The following SAMMSON variants were observed in gnomAD, a reference collection of about 807,000 sequenced individuals.
SAMMSON encodes the protein long intergenic non-protein coding RNA 1212.
intron 7 of SAMMSON, among the ~76,000 whole-genome samples, chr3:70,338,177 T>C (rs1369374375): frequency 6.6e-6 from 1 of 152,026 alleles, no homozygotes; most frequent in African/African-American, 2.4e-5. Flanking sequence ...TCAAAATGTT[T>C]ACTTGTGATT....
rs1420243041 is a variant in SAMMSON, at chr3:70,366,184, G to T, written n.913+7860G>T. ...TTTTTGTATTTTTAGTAGAGACGGGGTTTCACCTTGTTAGCCAGGATGGTC... is the reference window on the plus strand; with the variant it reads ...TTTTTGTATTTTTAGTAGAGACGGGTTTTCACCTTGTTAGCCAGGATGGTC... On this transcript the variant is annotated intron_variant and non_coding_transcript_variant, in intron 9 of 9. Coordinates refer to ENST00000642114, the Ensembl canonical transcript of SAMMSON. 4.8e-5 allele frequency among the ~76,000 whole-genome samples: 2 copies of T among 41,340 alleles called. 1 individual carries two copies. Among genetic ancestry groups the T allele is most frequent in the African/African-American group, 1.8e-4 (2 of 11,360 alleles). The allele number at this position is 41,340 out of a possible 152,430, so 27.1% of individuals were successfully genotyped here.
At chr3:70,310,725 T>C (rs1452263711) in intron 7 of SAMMSON, among the ~76,000 whole-genome samples, 2 of 152,076 alleles carry the variant, frequency 1.3e-5, no homozygotes, top group Non-Finnish European at 2.9e-5. Flanking sequence ...AGAGTGGATG[T>C]GAGGGTATGA....
At chr3:70,125,512 A>C in intron 4 of SAMMSON, 1 of 709,624 alleles carries the variant, frequency 1.4e-6, no homozygotes, top group East Asian at 2.7e-5. Flanking sequence ...TGTTCAAATT[A>C]GGTTTGGGAA....
At chr3:70,242,413 A>C (rs1367853155) in intron 4 of SAMMSON, among the ~76,000 whole-genome samples, 3 of 152,156 alleles carry the variant, frequency 2.0e-5, no homozygotes, top group Non-Finnish European at 4.4e-5. Context: ...GAATTAGATA[A>C]TTATAATTGA....
intron 4 of SAMMSON, among the ~76,000 whole-genome samples, chr3:70,240,483 C>T (rs1047265117): frequency 4.6e-5 from 7 of 151,974 alleles, no homozygotes; most frequent in Non-Finnish European, 1.0e-4. Context: ...AAGTTGGACC[C>T]TAACTAAAAA....
At chr3:70,008,353 G>C (rs139004816) in intron 1 of SAMMSON, among the ~76,000 whole-genome samples, 1 of 152,028 alleles carries the variant, frequency 6.6e-6, no homozygotes, top group Non-Finnish European at 1.5e-5. Context: ...CCTTGAAGAG[G>C]TCCTTCACAT....
At chr3:70,343,198 T>TAC (rs1702724829) in intron 7 of SAMMSON, among the ~76,000 whole-genome samples, 1 of 152,188 alleles carries the variant, frequency 6.6e-6, no homozygotes, top group Non-Finnish European at 1.5e-5. Context: ...TAATATGGTA[T>TAC]ATTTATCACA....
intron 3 of SAMMSON, chr3:70,068,079 G>C (rs141143563): frequency 6.6e-6 from 1 of 152,126 alleles, no homozygotes; most frequent in African/African-American, 2.4e-5. Context: ...TAGATGGATG[G>C]TTGAGAAGAG....
intron 4 of SAMMSON, among the ~76,000 whole-genome samples, chr3:70,166,333 T>C (rs1305483147): frequency 6.6e-6 from 1 of 152,056 alleles, no homozygotes; most frequent in Non-Finnish European, 1.5e-5. Flanking sequence ...ATTGCTATGA[T>C]GGTGGCTTGC....
intron 4 of SAMMSON, among the ~76,000 whole-genome samples, chr3:70,086,018 G>A (rs2067284294): frequency 1.3e-5 from 2 of 152,214 alleles, no homozygotes; most frequent in Admixed American, 6.5e-5. Flanking sequence ...TTTCTTAAAA[G>A]CATCACTTCT....
chr3:70,123,799 G>A, intron 4 of SAMMSON, among the ~76,000 whole-genome samples: 1 of 152,230 alleles, frequency 6.6e-6, no homozygotes, highest in South Asian at 2.1e-4. Context: ...GATGTGTTGG[G>A]GGCAGGGAGA....
chr3:70,026,544 G>A (rs1319450143), intron 3 of SAMMSON, among the ~76,000 whole-genome samples: 1 of 152,126 alleles, frequency 6.6e-6, no homozygotes, highest in Non-Finnish European at 1.5e-5. Flanking sequence ...TCAAGTCCCT[G>A]ATCACCACAG....
At chr3:70,354,330 C>G (rs2106736415) in intron 8 of SAMMSON, 1 of 152,146 alleles carries the variant, frequency 6.6e-6, no homozygotes, top group South Asian at 2.1e-4. Flanking sequence ...GTTCTATACT[C>G]AAACTTTAGG....
chr3:70,105,598 C>T (rs2067364185), intron 4 of SAMMSON, among the ~76,000 whole-genome samples: 2 of 152,132 alleles, frequency 1.3e-5, no homozygotes, highest in South Asian at 2.1e-4. Context: ...ACAAAACTTC[C>T]TTATGCATGA....
intron 4 of SAMMSON, among the ~76,000 whole-genome samples, chr3:70,094,033 C>T (rs1359011367): frequency 6.6e-6 from 1 of 152,170 alleles, no homozygotes; most frequent in Non-Finnish European, 1.5e-5. Flanking sequence ...TCCTGAGGCT[C>T]TGCCTTTGAC....
At chr3:70,267,925 T>A (rs1302643081) in intron 6 of SAMMSON, among the ~76,000 whole-genome samples, 1 of 151,940 alleles carries the variant, frequency 6.6e-6, no homozygotes, top group African/African-American at 2.4e-5. Context: ...CCTTTCCTTT[T>A]CTTCCCATCC....
At chr3:70,195,945 C>G (rs1178386531) in intron 4 of SAMMSON, among the ~76,000 whole-genome samples, 1 of 152,122 alleles carries the variant, frequency 6.6e-6, no homozygotes, top group Non-Finnish European at 1.5e-5. Context: ...TTATTGATCA[C>G]TTTAATTATC....
chr3:70,084,059 G>A lies in SAMMSON; in HGVS notation n.507+12494G>A, dbSNP rs138968648. Among the ~76,000 whole-genome samples the A allele has an allele frequency of 7.1e-3, 1,088 of 152,194 alleles. 17 individuals carry two copies. The highest frequency in any genetic ancestry group is 0.025 in the African/African-American group (1,030 of 41,518). ...TTGAGATTTACTATGAAATATACCA[G>A]CACATACACTTTAAATGAATTTTGA... On this transcript the variant is annotated intron_variant and non_coding_transcript_variant, in intron 4 of 9. Coordinates refer to ENST00000642114, the Ensembl canonical transcript of SAMMSON.
intron 2 of SAMMSON, among the ~76,000 whole-genome samples, chr3:70,430,143 C>G (rs533702158): frequency 1.4e-4 from 21 of 152,280 alleles, no homozygotes; most frequent in African/African-American, 4.1e-4. Flanking sequence ...TACGTTCCAT[C>G]AGTACCTAGT....
Sources: gnomAD v4.1 joint callset for allele counts (sites outside exome capture counted in the v4.1 genomes callset) on GRCh38, gnomAD v4.1.1 for gene constraint, MANE v1.5 for transcripts, NCBI Gene and HGNC (gene_info 2026-07-23, HGNC 2026-07-21) for gene names.